The following SFRP1 variants were observed in gnomAD, a reference collection of about 807,000 sequenced individuals.
The protein encoded by SFRP1 is secreted frizzled-related protein 1.
In SFRP1, 9 loss-of-function variants were observed where a neutral mutation model predicts 25.9. That is an observed-to-expected ratio of 0.35 (90% CI 0.21 to 0.61). The LOEUF (loss-of-function observed/expected upper bound fraction) is 0.61, where lower values mean the gene tolerates loss of function less well. SFRP1 is among the 20% of genes least tolerant of loss of function. The pLI is 0.78. For missense variants in SFRP1, 346 were observed against 418.2 expected (o/e 0.83, Z 1.51); for synonymous variants, 178 against 174.0 (o/e 1.02, Z -0.18).
chr8:41,267,170 C>T (rs1215848525), intron 2 of SFRP1, among the ~76,000 whole-genome samples: 1 of 152,224 alleles, frequency 6.6e-6, no homozygotes, highest in Non-Finnish European at 1.5e-5. Flanking sequence ...CAATATGGTA[C>T]CAGGGCTGCT....
In SFRP1 at chr8:41,281,318, A is replaced by G. The variant is rs553058286; in HGVS notation, c.623-15829T>C. 1.4e-3 allele frequency among the ~76,000 whole-genome samples: 208 copies of G among 152,340 alleles called. 7 individuals are homozygous for G. In the South Asian group the frequency reaches 0.041, roughly 30 times the overall value. On this transcript the variant is annotated intron_variant, in intron 2 of 2. Transcript: ENST00000220772. ...ACACAGCTGGGCACATTCGGGGGCC[A>G]TGCAGGCCCTTCAAGGATTTGCCAG...
At chr8:41,275,663 C>T (rs1463286812) in intron 2 of SFRP1, among the ~76,000 whole-genome samples, 3 of 151,710 alleles carry the variant, frequency 2.0e-5, no homozygotes, top group African/African-American at 4.8e-5. Flanking sequence ...CCGCCACGCC[C>T]GGCTAATTTT....
chr8:41,269,372 A>G (rs186320788), intron 2 of SFRP1, among the ~76,000 whole-genome samples: 93 of 152,314 alleles, frequency 6.1e-4, no homozygotes, highest in African/African-American at 2.2e-3. Flanking sequence ...GAAACTTTGA[A>G]AACTCAAAAT....
intron 2 of SFRP1, among the ~76,000 whole-genome samples, chr8:41,268,117 A>G (rs977934001): frequency 1.3e-5 from 2 of 152,264 alleles, no homozygotes; most frequent in Non-Finnish European, 2.9e-5. Flanking sequence ...TTGTCTGCAG[A>G]GAAGTGAGCC....
rs1462145298 is a variant in SFRP1, at chr8:41,261,996, T to G, written c.*3171A>C. 1 of 152,262 alleles carries G rather than the reference T, an allele frequency of 6.6e-6. No individual in the cohort carries two copies. Among genetic ancestry groups the G allele is most frequent in the Non-Finnish European group, 1.5e-5 (1 of 68,036 alleles). 9.4% of individuals were successfully genotyped at this position (152,262 alleles called of 1,614,324 possible). A position where few individuals can be genotyped will look rare whatever the true frequency, so the allele number is the denominator to read the frequency against. On this transcript the variant is annotated 3_prime_UTR_variant, in exon 3 of 3. Transcript: ENST00000220772. ...TGAGTGATTTTAGTCAAGTGAATAT[T>G]GATACATGGCTGAAAAAGCATGAAA...
At chr8:41,279,228 T>C (rs934783272) in intron 2 of SFRP1, among the ~76,000 whole-genome samples, 2 of 151,974 alleles carry the variant, frequency 1.3e-5, no homozygotes, top group African/African-American at 2.4e-5. Flanking sequence ...AACAGAGAGA[T>C]GGAAAGAGCT....
intron 2 of SFRP1, among the ~76,000 whole-genome samples, chr8:41,280,835 G>C (rs938545938): frequency 1.3e-5 from 2 of 152,176 alleles, no homozygotes; most frequent in Non-Finnish European, 2.9e-5. Context: ...TTGCAGGAAC[G>C]GGTGCTCGGC....
rs1803541920 is a variant in SFRP1 at position 41,273,924 on chromosome 8, G to A, written c.623-8435C>T. 2.0e-5 allele frequency among the ~76,000 whole-genome samples: 3 copies of A among 152,186 alleles called. No individual in the cohort carries two copies. The South Asian group carries it at 6.2e-4, about 31-fold the overall frequency. On this transcript the variant is annotated intron_variant, in intron 2 of 2. Coordinates refer to ENST00000220772, the MANE Select transcript of SFRP1 (RefSeq NM_003012.5). ...GAGGGCAGTCAGAATAAAGCAAGGA[G>A]AAGAAGGCAGGTATTCAGCTTGTGG...
chr8:41,288,215 AGTT>A (rs1803731498), intron 2 of SFRP1, among the ~76,000 whole-genome samples: 3 of 151,934 alleles, frequency 2.0e-5, no homozygotes, highest in Non-Finnish European at 4.4e-5. Flanking sequence ...AAAATTAGCC[AGTT>A]GTTGTGGGAC....
Position 41,309,416 on chromosome 8 carries a change from A to G in SFRP1, c.-257T>C. 5.7e-6 allele frequency: 1 copy of G among 174,578 alleles called. No individual in the cohort carries two copies. The highest frequency in any genetic ancestry group is 1.2e-5 in the Non-Finnish European group (1 of 86,190). The allele number at this position is 174,578 out of a possible 1,614,324, so 10.8% of individuals were successfully genotyped here. A position where few individuals can be genotyped will look rare whatever the true frequency, so the allele number is the denominator to read the frequency against. On this transcript the variant is annotated 5_prime_UTR_variant, in exon 1 of 3. Transcript: ENST00000220772. ...GCTCCCGGAGGTGCGGCGAGCAGGA[A>G]GGCGCGGGGCGGCGGGCGCGCGGCA...
chr8:41,275,556 G>C (rs1022268469), intron 2 of SFRP1, among the ~76,000 whole-genome samples: 2 of 151,534 alleles, frequency 1.3e-5, no homozygotes, highest in Non-Finnish European at 2.9e-5. Flanking sequence ...AGGCTGGAGT[G>C]CAGTGGCGGA....
At chr8:41,298,837 G>A (rs185329733) in intron 2 of SFRP1, among the ~76,000 whole-genome samples, 10 of 152,184 alleles carry the variant, frequency 6.6e-5, no homozygotes, top group South Asian at 4.1e-4. Flanking sequence ...GGTGAGCAAC[G>A]CAGCACCCAA....
rs186638613 is a variant in SFRP1 at position 41,296,231 on chromosome 8, C to A, written c.622+7230G>T. Among the ~76,000 whole-genome samples, 24 of 152,314 alleles carry A rather than the reference C, an allele frequency of 1.6e-4. No individual in the cohort carries two copies. The East Asian group carries it at 4.2e-3, about 27-fold the overall frequency. ...GTATTATATGTGTCTGGCTTTCACA[C>A]GGAGTTTGCAACCTGCCAGTTAGTA... On this transcript the variant is annotated intron_variant, in intron 2 of 2. Transcript: ENST00000220772.
Position 41,309,462 on chromosome 8 carries a change from G to GCTC in SFRP1, c.-304_-303insGAG, listed in dbSNP as rs1411981949. 6.5e-6 allele frequency: 1 copy of GCTC among 153,738 alleles called. No individual in the cohort carries two copies. Among genetic ancestry groups the GCTC allele is most frequent in the East Asian group, 1.9e-4 (1 of 5,190 alleles). The allele number at this position is 153,738 out of a possible 1,614,324, so 9.5% of individuals were successfully genotyped here. A position where few individuals can be genotyped will look rare whatever the true frequency, so the allele number is the denominator to read the frequency against. On this transcript the variant is annotated 5_prime_UTR_variant, in exon 1 of 3. Transcript: ENST00000220772. Reference sequence around the variant, plus strand: ...CGGCACTGACTCCGGAGGCTGCAGGGCTGGAGTGCGCGGGGCTCCTACGGC... The same window carrying GCTC: ...CGGCACTGACTCCGGAGGCTGCAGGGCTCCTGGAGTGCGCGGGGCTCCTACGGC...
At chr8:41,307,769 G>C (rs531515269) in intron 1 of SFRP1, among the ~76,000 whole-genome samples, 12 of 152,280 alleles carry the variant, frequency 7.9e-5, no homozygotes, top group African/African-American at 2.9e-4. Flanking sequence ...TTAAACATAA[G>C]GGGGTTTTGA....
At chr8:41,300,340 GA>G (rs1803898948) in intron 2 of SFRP1, among the ~76,000 whole-genome samples, 1 of 152,150 alleles carries the variant, frequency 6.6e-6, no homozygotes, top group Admixed American at 6.5e-5. Flanking sequence ...AATCCTTCCA[GA>G]AGGCAAGGAA....
Position 41,265,077 on chromosome 8 carries a change from G to T in SFRP1, c.*90C>A. 1.2e-6 allele frequency: 1 copy of T among 861,688 alleles called. No individual in the cohort carries two copies. The allele number at this position is 861,688 out of a possible 1,614,324, so 53.4% of individuals were successfully genotyped here. A position where few individuals can be genotyped will look rare whatever the true frequency, so the allele number is the denominator to read the frequency against. ...AATGTCCACTACTGACAGGCGCAGT[G>T]CGTGTGTGTGACCCACCGGGTTCCC... On this transcript the variant is annotated 3_prime_UTR_variant, in exon 3 of 3. Coordinates refer to ENST00000220772, the MANE Select transcript of SFRP1 (RefSeq NM_003012.5).
In SFRP1 at chr8:41,297,106, G is replaced by A. The variant is rs140487185; in HGVS notation, c.622+6355C>T. ...ATCACCCAGGCTGGAGTGCAGCAGC[G>A]CAATCTCAGCTCACTGCAACCTTGG... On this transcript the variant is annotated intron_variant, in intron 2 of 2. Coordinates refer to ENST00000220772, the MANE Select transcript of SFRP1 (RefSeq NM_003012.5). 7.4e-3 allele frequency among the ~76,000 whole-genome samples: 1,131 copies of A among 152,256 alleles called. 11 individuals carry two copies. The highest frequency in any genetic ancestry group is 0.026 in the African/African-American group (1,066 of 41,536).
intron 1 of SFRP1, among the ~76,000 whole-genome samples, chr8:41,305,819 T>C (rs1563368356): frequency 6.6e-6 from 1 of 152,264 alleles, no homozygotes; most frequent in East Asian, 1.9e-4. Flanking sequence ...CTCTCTCTCT[T>C]TCTTCTCTCT....
Sources: allele counts gnomAD v4.1 joint callset (sites outside exome capture counted in the v4.1 genomes callset), GRCh38; gene constraint gnomAD v4.1.1; transcripts MANE v1.5; gene names NCBI Gene and HGNC (gene_info 2026-07-23, HGNC 2026-07-21).